PLEKHG7: variants seen among roughly 807,000 people sequenced by gnomAD.
The protein encoded by PLEKHG7 is pleckstrin homology and RhoGEF domain containing G7.
In PLEKHG7, 77 loss-of-function variants were observed where a neutral mutation model predicts 85.2. That is an observed-to-expected ratio of 0.90 (90% CI 0.75 to 1.09). The LOEUF is 1.09. PLEKHG7 is among the 50% of genes least tolerant of loss of function. The pLI is 0.00. For missense variants in PLEKHG7, 777 were observed against 804.3 expected (o/e 0.97, Z 0.41); for synonymous variants, 301 against 302.4 (o/e 1.00, Z 0.05).
intron 13 of PLEKHG7, among the ~76,000 whole-genome samples, chr12:92,756,715 C>T (rs1452106779): frequency 1.3e-5 from 2 of 152,182 alleles, no homozygotes; most frequent in Admixed American, 6.5e-5. Context: ...TCATCATAAT[C>T]GTTGTACTCC....
intron 10 of PLEKHG7, among the ~76,000 whole-genome samples, chr12:92,747,316 A>G (rs554286152): frequency 1.7e-4 from 26 of 151,910 alleles, no homozygotes; most frequent in Middle Eastern, 6.8e-3. Flanking sequence ...CAAAACCACA[A>G]TGAGATATCA....
intron 2 of PLEKHG7, 172 bp from the exon 3 acceptor site, chr12:92,707,478 T>A (rs1871270668): frequency 1.4e-6 from 2 of 1,450,314 alleles, no homozygotes; most frequent in East Asian, 2.5e-5. Flanking sequence ...CAACGTCGTG[T>A]CACTGATTTA....
chr12:92,748,540 A>C (rs888711991), intron 10 of PLEKHG7, among the ~76,000 whole-genome samples: 1 of 152,040 alleles, frequency 6.6e-6, no homozygotes, highest in Non-Finnish European at 1.5e-5. Context: ...GAGCCACCGC[A>C]CCCAGCTCAC....
In PLEKHG7 at chr12:92,721,923, T is replaced by C. The variant is rs575275288; in HGVS notation, c.531-7070T>C. On this transcript the variant is annotated intron_variant, in intron 3 of 16. Transcript: ENST00000344636. ...TCTAAAAATATTCTTCCCTGTCCTC[T>C]TCACACTGGGCACCCCTACCCCACA... Among the ~76,000 whole-genome samples the C allele has an allele frequency of 2.3e-4, 35 of 152,074 alleles. 1 individual carries two copies. Among genetic ancestry groups the C allele is most frequent in the Admixed American group, 2.2e-3 (33 of 15,274 alleles).
Position 92,754,248 on chromosome 12 carries a change from G to A in PLEKHG7, c.1410G>A (p.Lys470=). 2 of 1,613,880 alleles carry A rather than the reference G, an allele frequency of 1.2e-6. No homozygotes were observed. Among genetic ancestry groups the A allele is most frequent in the African/African-American group, 1.3e-5 (1 of 75,038 alleles). ...TCATGATCTACTCCATCAAGGAAAA[G>A]GTGGAAAAGTCCATCCGTAAGTCCC... ...EKIMIYSIKE[K]VEKSIRDLEG... Residue 470 remains lysine, a synonymous_variant, in exon 11 of 17, where the codon AAG becomes AAA. Transcript: ENST00000344636.
chr12:92,730,458 C>T (rs1296602881), intron 4 of PLEKHG7, among the ~76,000 whole-genome samples: 1 of 152,240 alleles, frequency 6.6e-6, no homozygotes, highest in Non-Finnish European at 1.5e-5. Context: ...CCCCCAAGAC[C>T]TTCTGAATCA....
At chr12:92,737,581 T>C in intron 7 of PLEKHG7, 60 bp downstream of exon 7, 1 of 1,480,608 alleles carries the variant, frequency 6.8e-7, no homozygotes. Flanking sequence ...TTTTGGGCAC[T>C]TGTTTTCCTC....
intron 14 of PLEKHG7, among the ~76,000 whole-genome samples, chr12:92,762,796 T>C (rs1280064339): frequency 6.6e-6 from 1 of 152,214 alleles, no homozygotes; most frequent in African/African-American, 2.4e-5. Context: ...TGTCATATCT[T>C]TTAATAAACT....
intron 5 of PLEKHG7, among the ~76,000 whole-genome samples, chr12:92,735,378 T>C (rs577357524): frequency 2.6e-5 from 4 of 152,316 alleles, no homozygotes; most frequent in African/African-American, 9.6e-5. Flanking sequence ...TAGCACATTC[T>C]GAAACTATGA....
At chr12:92,757,114 G>A (rs1872857342) in intron 13 of PLEKHG7, among the ~76,000 whole-genome samples, 1 of 152,228 alleles carries the variant, frequency 6.6e-6, no homozygotes, top group Non-Finnish European at 1.5e-5. Flanking sequence ...AGCCCCTGGG[G>A]CTGACTGCCT....
chr12:92,708,491 A>G (rs773093634), intron 3 of PLEKHG7: 11 of 152,222 alleles, frequency 7.2e-5, no homozygotes, highest in African/African-American at 2.7e-4. Flanking sequence ...GGGAAATGCA[A>G]ATTGTTATGT....
At chr12:92,716,106 G>GTTTTTTTTTTTTTTTTTTTTTTTTT (rs554462082) in intron 3 of PLEKHG7, among the ~76,000 whole-genome samples, 1 of 149,656 alleles carries the variant, frequency 6.7e-6, no homozygotes, top group African/African-American at 2.5e-5. Context: ...GTTTTGTTTT[G>GTTTTTTTTTTTTTTTTTTTTTTTTT]TTTTTTTTGA....
chr12:92,752,939 T>C (rs962749659), intron 10 of PLEKHG7, among the ~76,000 whole-genome samples: 1 of 152,070 alleles, frequency 6.6e-6, no homozygotes, highest in African/African-American at 2.4e-5. Flanking sequence ...GCTAGAGAGC[T>C]CTCCGGGACC....
chr12:92,767,700 C>T (rs1044487765), intron 15 of PLEKHG7, among the ~76,000 whole-genome samples: 8 of 152,118 alleles, frequency 5.3e-5, no homozygotes, highest in African/African-American at 1.9e-4. Context: ...ATTGTATTCA[C>T]CTGGATTCTG....
intron 9 of PLEKHG7, among the ~76,000 whole-genome samples, chr12:92,743,705 G>T (rs1272530992): frequency 6.6e-6 from 1 of 152,116 alleles, no homozygotes; most frequent in East Asian, 1.9e-4. Flanking sequence ...GACCAGAGGT[G>T]TGCGCCACCA....
rs1872013369 is a variant in PLEKHG7, at chr12:92,732,261, CA to C, written c.691del (p.Arg231GlufsTer21). The C allele has an allele frequency of 8.1e-7, 1 of 1,231,216 alleles. No individual in the cohort carries two copies. The highest frequency in any genetic ancestry group is 1.6e-5 in the African/African-American group (1 of 64,326). 76.3% of individuals were successfully genotyped at this position (1,231,216 alleles called of 1,614,324 possible). A position where few individuals can be genotyped will look rare whatever the true frequency, so the allele number is the denominator to read the frequency against. On this transcript the variant is annotated frameshift_variant, in exon 5 of 17. Transcript: ENST00000344636. LOFTEE classifies it high-confidence loss of function. ...ESKKPRWPFS[K>X]RGVGKDKHKH... ...CCAAAAAGCCAAGATGGCCTTTCTCCAAAAGAGGAGTGGTAAGTGTTGCAAA... is the reference window on the plus strand; with the variant it reads ...CCAAAAAGCCAAGATGGCCTTTCTCCAAAGAGGAGTGGTAAGTGTTGCAAA...
intron 15 of PLEKHG7, among the ~76,000 whole-genome samples, chr12:92,768,381 T>G (rs951427194): frequency 5.3e-5 from 8 of 152,224 alleles, no homozygotes; most frequent in African/African-American, 1.7e-4. Flanking sequence ...CAGGCTTTCT[T>G]TTGCAAACAC....
rs1592686726 is a variant in PLEKHG7 at position 92,755,869 on chromosome 12, T to A, written c.1471T>A (p.Phe491Ile). Reference sequence around the variant, plus strand: ...GAAGTGGCTGGACAATTTCCAAAAATTTAGATATCTACAGGAGATTATAGT... The same window carrying A: ...GAAGTGGCTGGACAATTTCCAAAAAATTAGATATCTACAGGAGATTATAGT... ...KVKWLDNFQK[F>I]RYLQEIIVWP... Residue 491 changes from phenylalanine (F) to isoleucine (I), a missense_variant, in exon 12 of 17, where the codon TTT becomes ATT. Transcript: ENST00000344636. The A allele has an allele frequency of 6.2e-6, 10 of 1,613,736 alleles. No individual in the cohort carries two copies. The highest frequency in any genetic ancestry group is 8.5e-6 in the Non-Finnish European group (10 of 1,179,836).
chr12:92,720,399 C>T (rs1006097415), intron 3 of PLEKHG7, among the ~76,000 whole-genome samples: 3 of 151,742 alleles, frequency 2.0e-5, no homozygotes, highest in African/African-American at 4.8e-5. Context: ...AATCTCAGCT[C>T]ACTGCAACCT....
Sources: allele counts gnomAD v4.1 joint callset (sites outside exome capture counted in the v4.1 genomes callset), GRCh38; gene constraint gnomAD v4.1.1; transcripts MANE v1.5; gene names NCBI Gene and HGNC (gene_info 2026-07-23, HGNC 2026-07-21).